Variants in FMN1 observed in about 807,000 individuals in gnomAD.
The protein encoded by FMN1 is formin 1.
A neutral mutation model predicts 132.4 loss-of-function variants in FMN1; 110 were observed. The observed-to-expected ratio is 0.83, with a 90% CI of 0.71 to 0.97. The LOEUF is 0.97. Among genes scored for constraint, FMN1 ranks in the 50% least tolerant of loss-of-function variants. The pLI is 0.00. For missense variants in FMN1, 1,792 were observed against 1,705.3 expected, an observed-to-expected ratio of 1.05 and a Z score of -0.90; for synonymous variants, 722 against 651.7, an observed-to-expected ratio of 1.11 and a Z score of -1.64.
At chr15:33,168,153 C>T (rs961278760) in intron 3 of FMN1, among the ~76,000 whole-genome samples, 1 of 152,122 alleles carries the variant, frequency 6.6e-6, no homozygotes, top group African/African-American at 2.4e-5. Flanking sequence ...CAGAGTTATT[C>T]AGTCACAGAA....
At chr15:32,881,848 G>A (rs2059778665) in intron 16 of FMN1, among the ~76,000 whole-genome samples, 1 of 152,166 alleles carries the variant, frequency 6.6e-6, no homozygotes, top group Non-Finnish European at 1.5e-5. Context: ...TACATCAGGA[G>A]CCCAATACAT....
chr15:32,892,520 G>A (rs1408650494), intron 15 of FMN1, among the ~76,000 whole-genome samples: 3 of 152,062 alleles, frequency 2.0e-5, no homozygotes, highest in African/African-American at 7.2e-5. Context: ...TGTAGTTTTC[G>A]TTTTTGGTTA....
chr15:32,807,305 T>C (rs1567199584), intron 17 of FMN1, among the ~76,000 whole-genome samples: 1 of 152,356 alleles, frequency 6.6e-6, no homozygotes, highest in Non-Finnish European at 1.5e-5. Context: ...ACGGAAGCCA[T>C]GGCCAGGGCC....
chr15:32,902,374 C>T (rs1209361312), intron 12 of FMN1, among the ~76,000 whole-genome samples: 3 of 152,172 alleles, frequency 2.0e-5, no homozygotes, highest in Admixed American at 2.0e-4. Context: ...CAGTCTTTAA[C>T]ACACGAGAAA....
intron 4 of FMN1, among the ~76,000 whole-genome samples, chr15:33,094,653 G>T (rs1253080455): frequency 1.3e-5 from 2 of 152,198 alleles, no homozygotes; most frequent in African/African-American, 4.8e-5. Flanking sequence ...CTAGAGCCAT[G>T]AATGGAACTA....
chr15:32,826,290 GGA>G lies in FMN1; in HGVS notation c.3929-21960_3929-21959del, dbSNP rs150752853. Among the ~76,000 whole-genome samples the G allele has an allele frequency of 8.6e-3, 1,307 of 152,324 alleles. 29 individuals are homozygous for G. The highest frequency in any genetic ancestry group is 0.03 in the African/African-American group (1,258 of 41,580). On this transcript the variant is annotated intron_variant, in intron 17 of 20. Transcript: ENST00000616417. ...AGCCCATAGAGAAGCAGCTCTCCAG[GGA>G]GAGTGGAAGACTCTCCAGGGCCCTG...
chr15:32,928,584 G>A (rs539572838), intron 9 of FMN1, among the ~76,000 whole-genome samples: 2 of 152,254 alleles, frequency 1.3e-5, no homozygotes, highest in East Asian at 1.9e-4. Flanking sequence ...GAGTCAAAAA[G>A]GCAAATAAAA....
intron 1 of FMN1, 130 bp from the exon 2 acceptor site, chr15:33,194,190 CAAAAAAAAAAA>C (rs61236935): frequency 1.3e-4 from 3 of 22,564 alleles, no homozygotes; most frequent in African/African-American, 4.2e-4. Flanking sequence ...CATCCAGCTT[CAAAAAAAAAAA>C]AAAAAAAAAA....
chr15:32,937,308 AG>A (rs1308840016), intron 9 of FMN1, among the ~76,000 whole-genome samples: 2 of 152,188 alleles, frequency 1.3e-5, no homozygotes, highest in African/African-American at 4.8e-5. Context: ...TCCCTCCCAA[AG>A]GAGAAGCCAG....
chr15:32,843,187 G>A (rs143169678), intron 17 of FMN1, among the ~76,000 whole-genome samples: 671 of 147,442 alleles, frequency 4.6e-3, no homozygotes, highest in African/African-American at 0.016. Context: ...TCAGATTTGT[G>A]CAATTCTAAA....
In FMN1 at chr15:32,825,624, C is replaced by T. The variant is rs76846223; in HGVS notation, c.3929-21292G>A. On this transcript the variant is annotated intron_variant, in intron 17 of 20. Coordinates refer to ENST00000616417, the MANE Select transcript of FMN1 (RefSeq NM_001277313.2). ...TACTTATTTGCTCTTTTGTCTCTTG[C>T]GCTTGCTAATTATAAGTTTATCTGT... Among the ~76,000 whole-genome samples, 838 of 152,296 alleles carry T rather than the reference C, an allele frequency of 5.5e-3. 3 individuals carry two copies. The highest frequency in any genetic ancestry group is 0.016 in the African/African-American group (669 of 41,566).
At position 33,110,789 on chromosome 15, in the gene FMN1, T is replaced by A. The variant is rs550765446; in HGVS notation, c.1868-21815A>T. 2.0e-3 allele frequency among the ~76,000 whole-genome samples: 310 copies of A among 151,876 alleles called. 1 individual carries two copies. The highest frequency in any genetic ancestry group is 6.9e-3 in the African/African-American group (286 of 41,366). ...TTGCTATTCCTTTAGCCATTTTCTC[T>A]GTTATTAAAACAAAAATAAGAACAA... On this transcript the variant is annotated intron_variant, in intron 4 of 20. Transcript: ENST00000616417.
intron 4 of FMN1, among the ~76,000 whole-genome samples, chr15:33,121,465 A>T (rs956878572): frequency 6.6e-6 from 1 of 152,200 alleles, no homozygotes; most frequent in Non-Finnish European, 1.5e-5. Context: ...ATATGATACA[A>T]AGGTAGAAAT....
At chr15:33,107,867 A>G (rs552781931) in intron 4 of FMN1, among the ~76,000 whole-genome samples, 1 of 152,248 alleles carries the variant, frequency 6.6e-6, no homozygotes, top group East Asian at 1.9e-4. Flanking sequence ...ACATTTAAAT[A>G]AAATGTAAAT....
At chr15:33,179,225 C>A (rs2140337237) in intron 3 of FMN1, among the ~76,000 whole-genome samples, 1 of 151,960 alleles carries the variant, frequency 6.6e-6, no homozygotes, top group South Asian at 2.1e-4. Context: ...ACCAAACTTT[C>A]CATTAAAAAT....
chr15:32,870,916 C>A (rs1348829019), intron 16 of FMN1, among the ~76,000 whole-genome samples: 1 of 152,046 alleles, frequency 6.6e-6, no homozygotes, highest in Non-Finnish European at 1.5e-5. Context: ...AAAACATTGT[C>A]AAGAATAATT....
rs1328588519 is a variant in FMN1 at position 32,893,574 on chromosome 15, CT to C, written c.3714+5259del. Reference sequence around the variant, plus strand: ...GAAGCAGGGAGCAGGAGTCATCTTTCTTTAGCTAATTGCTCATCACCACTAA... The same window carrying C: ...GAAGCAGGGAGCAGGAGTCATCTTTCTTAGCTAATTGCTCATCACCACTAA... On this transcript the variant is annotated intron_variant, in intron 15 of 20. Transcript: ENST00000616417. Among the ~76,000 whole-genome samples, 3 of 152,346 alleles carry C rather than the reference CT, an allele frequency of 2.0e-5. No individual in the cohort carries two copies. In the East Asian group the frequency reaches 5.8e-4, roughly 29 times the overall value.
At chr15:32,896,349 T>TA (rs2060155316) in intron 15 of FMN1, among the ~76,000 whole-genome samples, 1 of 152,100 alleles carries the variant, frequency 6.6e-6, no homozygotes, top group Non-Finnish European at 1.5e-5. Context: ...AATTATTTTG[T>TA]AAACTTCTAA....
chr15:33,082,094 T>TGTGTGTGTGA (rs2038500289), intron 5 of FMN1, among the ~76,000 whole-genome samples: 1 of 6,316 alleles, frequency 1.6e-4, no homozygotes, highest in South Asian at 9.4e-3. Context: ...TGGAAAACAA[T>TGTGTGTGTGA]GTGTGTGTGT....
Sources: allele counts gnomAD v4.1 joint callset (sites outside exome capture counted in the v4.1 genomes callset), GRCh38; gene constraint gnomAD v4.1.1; transcripts MANE v1.5; gene names NCBI Gene and HGNC (gene_info 2026-07-23, HGNC 2026-07-21).